The following B3GALNT1 variants were observed in gnomAD, a reference collection of about 807,000 sequenced individuals.
B3GALNT1 encodes UDP-GalNAc:beta-1,3-N-acetylgalactosaminyltransferase 1.
A neutral mutation model predicts 27.3 loss-of-function variants in B3GALNT1; 17 were observed. The ratio of observed to expected loss-of-function variants is 0.62; its 90% CI spans 0.43 to 0.94. The LOEUF is 0.94. Ranked by LOEUF, B3GALNT1 falls within the 40% of genes least tolerant of loss-of-function variation. The pLI is 0.00. For missense variants in B3GALNT1, 347 were observed against 390.0 expected (o/e 0.89, Z 0.93); for synonymous variants, 141 against 144.0 (o/e 0.98, Z 0.15).
At chr3:161,100,042 G>T (rs551082588) in intron 4 of B3GALNT1, among the ~76,000 whole-genome samples, 1 of 152,254 alleles carries the variant, frequency 6.6e-6, no homozygotes, top group East Asian at 1.9e-4. Context: ...GACAAGAAAA[G>T]CTTAGAAGTG....
chr3:161,085,410 A>C lies in B3GALNT1; in HGVS notation c.*349T>G, dbSNP rs969655722. The C allele has an allele frequency of 1.6e-5, 4 of 254,112 alleles. No individual in the cohort carries two copies. In the Admixed American group the frequency reaches 2.0e-4, roughly 13 times the overall value. The allele number at this position is 254,112 out of a possible 1,614,324, so 15.7% of individuals were successfully genotyped here. ...CAAGTGACTACATTGTTCAATAAAT[A>C]AAACTCTACATTGTTTTGTTTTTAC... On this transcript the variant is annotated 3_prime_UTR_variant, in exon 5 of 5. Coordinates refer to ENST00000320474, the MANE Select transcript of B3GALNT1 (RefSeq NM_003781.4).
chr3:161,103,340 AC>A (rs1732419290), intron 3 of B3GALNT1, 86 bp downstream of exon 3: 1 of 478,850 alleles, frequency 2.1e-6, no homozygotes, highest in Non-Finnish European at 3.4e-6. Flanking sequence ...GGCTGCATCA[AC>A]GATACTTAAA....
intron 4 of B3GALNT1, among the ~76,000 whole-genome samples, chr3:161,096,778 C>T (rs1187633333): frequency 1.3e-5 from 2 of 152,198 alleles, no homozygotes; most frequent in African/African-American, 4.8e-5. Context: ...CTGACCACTA[C>T]TTTTTCTTCC....
chr3:161,104,806 T>C (rs993363451), intron 1 of B3GALNT1: 3 of 153,444 alleles, frequency 2.0e-5, no homozygotes, highest in African/African-American at 7.2e-5. Context: ...TCCCGTCCTC[T>C]TCCTCGGCAC....
chr3:161,103,729 GT>G lies in B3GALNT1; in HGVS notation c.-220-213del, dbSNP rs1227349135. 3.3e-5 allele frequency among the ~76,000 whole-genome samples: 5 copies of G among 151,788 alleles called. No individual in the cohort carries two copies. In the South Asian group the frequency reaches 8.3e-4, roughly 25 times the overall value. On this transcript the variant is annotated intron_variant, in intron 2 of 4. Transcript: ENST00000320474. ...AATTATACTTGGACACTGTTTTTTTGTTTTTTGTTTGTTTTGGAGATGGAGT... is the reference window on the plus strand; with the variant it reads ...AATTATACTTGGACACTGTTTTTTTGTTTTTGTTTGTTTTGGAGATGGAGT...
chr3:161,092,767 T>C (rs987695119), intron 4 of B3GALNT1, among the ~76,000 whole-genome samples: 8 of 140,496 alleles, frequency 5.7e-5, no homozygotes, highest in African/African-American at 8.0e-5. Context: ...ATTTTTCTTT[T>C]TTTTTTTTTT....
At chr3:161,103,676 T>C (rs980096534) in intron 2 of B3GALNT1, among the ~76,000 whole-genome samples, 159 bp from the exon 3 acceptor site, 2 of 152,230 alleles carry the variant, frequency 1.3e-5, no homozygotes, top group Non-Finnish European at 2.9e-5. Context: ...CTCTTCTCGC[T>C]TTCAAATCAC....
intron 4 of B3GALNT1, among the ~76,000 whole-genome samples, chr3:161,098,121 T>C (rs1729183837): frequency 6.6e-6 from 1 of 152,206 alleles, no homozygotes; most frequent in Non-Finnish European, 1.5e-5. Flanking sequence ...TAAGTATGTT[T>C]TATATTTCCA....
At chr3:161,102,255 C>T (rs758430573) in intron 3 of B3GALNT1, among the ~76,000 whole-genome samples, 24 of 152,274 alleles carry the variant, frequency 1.6e-4, no homozygotes, top group Middle Eastern at 3.4e-3. Context: ...ATCCTACCTA[C>T]CTACCTGTGT....
At chr3:161,086,946 A>G (rs2032378426) in intron 4 of B3GALNT1, among the ~76,000 whole-genome samples, 158 bp from the exon 5 acceptor site, 1 of 152,310 alleles carries the variant, frequency 6.6e-6, no homozygotes, top group Non-Finnish European at 1.5e-5. Context: ...ACTGTAAGCA[A>G]ATAGAAACCA....
chr3:161,086,159 T>G lies in B3GALNT1; in HGVS notation c.596A>C (p.His199Pro). Residue 199 changes from histidine to proline, a missense_variant, in exon 5 of 5, where the codon CAC becomes CCC. Transcript: ENST00000320474. ...ATAACCTGTGAAAAACTTCTCTGAGTGGTTTAGGTTTAAAAGATACTTCAC... is the reference window on the plus strand; with the variant it reads ...ATAACCTGTGAAAAACTTCTCTGAGGGGTTTAGGTTTAAAAGATACTTCAC... ...NLVKYLLNLN[H>P]SEKFFTGYPL... The G allele has an allele frequency of 6.2e-7, 1 of 1,613,124 alleles. No homozygotes were observed. Among genetic ancestry groups the G allele is most frequent in the East Asian group, 2.2e-5 (1 of 44,844 alleles).
At position 161,085,571 on chromosome 3, in the gene B3GALNT1, T is replaced by A; in HGVS notation, c.*188A>T. The A allele has an allele frequency of 1.6e-6, 1 of 619,544 alleles. No homozygotes were observed. Among genetic ancestry groups the A allele is most frequent in the Non-Finnish European group, 2.8e-6 (1 of 353,772 alleles). 38.4% of individuals were successfully genotyped at this position (619,544 alleles called of 1,614,324 possible). A position where few individuals can be genotyped will look rare whatever the true frequency, so the allele number is the denominator to read the frequency against. ...CCTTTATATTTAATTCCTCCACATA[T>A]CATCTTTGAAGGGCCTGACTAATAA... On this transcript the variant is annotated 3_prime_UTR_variant, in exon 5 of 5. Transcript: ENST00000320474.
chr3:161,103,425 A>T lies in B3GALNT1; in HGVS notation c.-130+2T>A. The T allele has an allele frequency of 8.1e-7, 1 of 1,233,848 alleles. No individual in the cohort carries two copies. Among genetic ancestry groups the T allele is most frequent in the Non-Finnish European group, 1.1e-6 (1 of 939,788 alleles). The allele number at this position is 1,233,848 out of a possible 1,614,324, so 76.4% of individuals were successfully genotyped here. ...TTATAAGTTAAAAGTAGATGAACTT[A>T]CCTGTGGAATTCCAGATGAAATTAA... On this transcript the variant is annotated splice_donor_variant, in intron 3 of 4. Transcript: ENST00000320474. LOFTEE classifies it low-confidence loss of function (5UTR_SPLICE).
At chr3:161,099,342 G>A (rs1320356826) in intron 4 of B3GALNT1, among the ~76,000 whole-genome samples, 1 of 152,194 alleles carries the variant, frequency 6.6e-6, no homozygotes, top group Non-Finnish European at 1.5e-5. Flanking sequence ...GGTTTTAACA[G>A]GTGAGAAAAA....
rs104893683 is a variant in B3GALNT1 at position 161,085,944 on chromosome 3, C to T, written c.811G>A (p.Gly271Arg). The T allele has an allele frequency of 5.9e-5, 95 of 1,604,816 alleles. No homozygotes were observed. Among genetic ancestry groups the T allele is most frequent in the Non-Finnish European group, 7.8e-5 (92 of 1,175,722 alleles). ...ACTTTTAATAAATTCAAACAGATCC[C>T]GACATAAACATCTTCAAACTTGATG... is the stretch of plus-strand genomic sequence containing the variant. ...KPIKFEDVYV[G>R]ICLNLLKVNI... The change falls in exon 5 of 5, where the codon GGG (glycine) becomes AGG (arginine). Residue 271 changes from glycine to arginine, a missense_variant. Coordinates refer to ENST00000320474, the MANE Select transcript of B3GALNT1 (RefSeq NM_003781.4).
rs1467655144 is a variant in B3GALNT1, at chr3:161,085,281, A to G, written c.*478T>C. On this transcript the variant is annotated 3_prime_UTR_variant, in exon 5 of 5. Coordinates refer to ENST00000320474, the MANE Select transcript of B3GALNT1 (RefSeq NM_003781.4). Reference sequence around the variant, plus strand: ...TGAAGTACTTTATAAATGACCAAAAACAGGTAAAATTTTGTTCAGTATAAC... The same window carrying G: ...TGAAGTACTTTATAAATGACCAAAAGCAGGTAAAATTTTGTTCAGTATAAC... 6.5e-6 allele frequency: 1 copy of G among 153,518 alleles called. No individual in the cohort carries two copies. Among genetic ancestry groups the G allele is most frequent in the African/African-American group, 2.4e-5 (1 of 41,474 alleles). The allele number at this position is 153,518 out of a possible 1,614,324, so 9.5% of individuals were successfully genotyped here. A position where few individuals can be genotyped will look rare whatever the true frequency, so the allele number is the denominator to read the frequency against.
intron 4 of B3GALNT1, among the ~76,000 whole-genome samples, chr3:161,094,904 G>T (rs1249831528): frequency 6.6e-6 from 1 of 152,066 alleles, no homozygotes; most frequent in East Asian, 1.9e-4. Context: ...GTTTATATAA[G>T]CCCCTCTTTC....
chr3:161,100,314 A>T (rs1215828485), intron 4 of B3GALNT1, among the ~76,000 whole-genome samples: 1 of 151,968 alleles, frequency 6.6e-6, no homozygotes, highest in African/African-American at 2.4e-5. Context: ...CTCGAGCACC[A>T]CTCTCTGTAG....
intron 4 of B3GALNT1, among the ~76,000 whole-genome samples, chr3:161,091,641 G>A (rs1369040470): frequency 3.3e-5 from 5 of 152,140 alleles, no homozygotes; most frequent in African/African-American, 9.7e-5. Flanking sequence ...ACCTAATAAT[G>A]GCCCCAAGGC....
Sources: gnomAD v4.1 joint callset for allele counts (sites outside exome capture counted in the v4.1 genomes callset) on GRCh38, gnomAD v4.1.1 for gene constraint, MANE v1.5 for transcripts, NCBI Gene and HGNC (gene_info 2026-07-23, HGNC 2026-07-21) for gene names.